The following MEF2C variants were observed in gnomAD, a reference collection of about 807,000 sequenced individuals.
The protein encoded by MEF2C is myocyte-specific enhancer factor 2C.
In MEF2C, 6 loss-of-function variants were observed where a neutral mutation model predicts 50.5. The observed-to-expected ratio is 0.12, with a 90% CI of 0.07 to 0.23. The LOEUF (loss-of-function observed/expected upper bound fraction) is 0.23. Ranked by LOEUF, MEF2C falls within the 10% of genes least tolerant of loss-of-function variation. The pLI, the probability that MEF2C is intolerant of heterozygous loss-of-function variation, is 1.00. For missense variants in MEF2C, 276 were observed against 605.0 expected, an observed-to-expected ratio of 0.46 and a Z score of 5.70; for synonymous variants, 183 against 228.0, an observed-to-expected ratio of 0.80 and a Z score of 1.78.
chr5:88,806,706 C>G (rs777194220), intron 2 of MEF2C, among the ~76,000 whole-genome samples: 4 of 151,044 alleles, frequency 2.6e-5, no homozygotes, highest in African/African-American at 9.8e-5. Flanking sequence ...TTCAAATATA[C>G]AAAATATACA....
At chr5:88,829,594 C>G (rs1812248672) in intron 1 of MEF2C, among the ~76,000 whole-genome samples, 1 of 151,964 alleles carries the variant, frequency 6.6e-6, no homozygotes, top group Admixed American at 6.6e-5. Flanking sequence ...CTTTTACTGA[C>G]TACTACTAAA....
chr5:88,792,030 A>G (rs1430319812), intron 3 of MEF2C, among the ~76,000 whole-genome samples: 1 of 152,100 alleles, frequency 6.6e-6, no homozygotes, highest in Non-Finnish European at 1.5e-5. Context: ...TAAGATCTAT[A>G]TCAATTATGT....
At chr5:88,862,474 A>G (rs1825827838) in intron 1 of MEF2C, among the ~76,000 whole-genome samples, 1 of 152,160 alleles carries the variant, frequency 6.6e-6, no homozygotes. Context: ...AAAATATACA[A>G]GATGTTTTCC....
intron 1 of MEF2C, chr5:88,825,562 T>C (rs964091896): frequency 6.1e-6 from 6 of 979,680 alleles, no homozygotes; most frequent in Non-Finnish European, 7.3e-6. Flanking sequence ...CATATAAAAA[T>C]AGTTATAACA....
intron 2 of MEF2C, among the ~76,000 whole-genome samples, chr5:88,809,189 C>A (rs1313599252): frequency 6.6e-6 from 1 of 151,918 alleles, no homozygotes; most frequent in Non-Finnish European, 1.5e-5. Context: ...AGGACAGATA[C>A]CATACATCTT....
intron 6 of MEF2C, 83 bp downstream of exon 6, chr5:88,748,987 G>T: frequency 6.5e-7 from 1 of 1,546,954 alleles, no homozygotes; most frequent in Non-Finnish European, 8.7e-7. Context: ...AACTTTATTT[G>T]TTCAAAAGAC....
chr5:88,729,632 A>G (rs1394640702), intron 8 of MEF2C: 4 of 382,176 alleles, frequency 1.0e-5, no homozygotes, highest in Non-Finnish European at 2.0e-5. Context: ...TTGAAAACTG[A>G]TGAAATATGT....
At chr5:88,751,167 A>G in intron 5 of MEF2C, 1 of 969,490 alleles carries the variant, frequency 1.0e-6, no homozygotes, top group South Asian at 4.8e-5. Flanking sequence ...ATCATAATGT[A>G]TTTTGATTGT....
chr5:88,815,108 T>A (rs77548617), intron 2 of MEF2C, among the ~76,000 whole-genome samples: 1 of 152,166 alleles, frequency 6.6e-6, no homozygotes, highest in African/African-American at 2.4e-5. Flanking sequence ...ATAAGAGATA[T>A]AATTTGAATC....
At chr5:88,779,072 TATA>T (rs1427586323) in intron 3 of MEF2C, among the ~76,000 whole-genome samples, 4 of 152,248 alleles carry the variant, frequency 2.6e-5, no homozygotes, top group Non-Finnish European at 4.4e-5. Flanking sequence ...AATAAAGTTG[TATA>T]ACTTTTAAAA....
chr5:88,748,112 A>G (rs1770792960), intron 6 of MEF2C: 1 of 984,334 alleles, frequency 1.0e-6, no homozygotes, highest in African/African-American at 1.7e-5. Context: ...CAGAACAGAG[A>G]AACTCTACCC....
chr5:88,729,512 A>G (rs1760477057), intron 8 of MEF2C, 165 bp from the exon 9 acceptor site: 1 of 653,878 alleles, frequency 1.5e-6, no homozygotes, highest in African/African-American at 1.8e-5. Flanking sequence ...ATCATTTACA[A>G]TCCTTCAAGA....
intron 6 of MEF2C, chr5:88,744,149 A>G: frequency 7.1e-6 from 7 of 985,162 alleles, no homozygotes; most frequent in Non-Finnish European, 8.4e-6. Flanking sequence ...ATAGTGAATA[A>G]TCCAACACAA....
Position 88,717,759 on chromosome 5 carries a change from T to C in MEF2C, c.*4845A>G, listed in dbSNP as rs1237402875. 2 of 152,216 alleles carry C rather than the reference T, an allele frequency of 1.3e-5. No individual in the cohort carries two copies. The highest frequency in any genetic ancestry group is 1.5e-5 in the Non-Finnish European group (1 of 68,038). The allele number at this position is 152,216 out of a possible 1,614,324, so 9.4% of individuals were successfully genotyped here. ...TATTGAATGTTAATAATGGATATAT[T>C]TGATAGTCTCTAAAATGTATGAATT... On this transcript the variant is annotated 3_prime_UTR_variant, in exon 11 of 11. Transcript: ENST00000504921.
chr5:88,769,934 C>T (rs1781638809), intron 3 of MEF2C: 1 of 983,012 alleles, frequency 1.0e-6, no homozygotes. Flanking sequence ...GCATGGGCCA[C>T]TGTGTCCAGC....
chr5:88,814,557 C>A (rs1364871517), intron 2 of MEF2C, among the ~76,000 whole-genome samples: 1 of 151,782 alleles, frequency 6.6e-6, no homozygotes, highest in Non-Finnish European at 1.5e-5. Context: ...AGTAGTATTT[C>A]CAAAGGATTT....
At chr5:88,764,033 G>C (rs1778943573) in intron 3 of MEF2C, among the ~76,000 whole-genome samples, 1 of 152,100 alleles carries the variant, frequency 6.6e-6, no homozygotes, top group African/African-American at 2.4e-5. Flanking sequence ...AGATTTTTCA[G>C]TGTGCACCCA....
At chr5:88,832,568 C>G (rs1010961196) in intron 1 of MEF2C, among the ~76,000 whole-genome samples, 13 of 152,074 alleles carry the variant, frequency 8.5e-5, no homozygotes, top group Admixed American at 2.6e-4. Context: ...AGGGAAATGA[C>G]TGATTAAAAA....
At chr5:88,809,531 T>C (rs560816986) in intron 2 of MEF2C, among the ~76,000 whole-genome samples, 1 of 152,258 alleles carries the variant, frequency 6.6e-6, no homozygotes, top group African/African-American at 2.4e-5. Context: ...TTTAATTCCA[T>C]AACGTTTAAA....
Sources: allele counts gnomAD v4.1 joint callset (sites outside exome capture counted in the v4.1 genomes callset), GRCh38; gene constraint gnomAD v4.1.1; transcripts MANE v1.5; gene names NCBI Gene and HGNC (gene_info 2026-07-23, HGNC 2026-07-21).